The following SPTB variants were observed in gnomAD, a reference collection of about 807,000 sequenced individuals.
SPTB encodes spectrin beta chain, erythrocytic.
SPTB carries 45 observed loss-of-function variants against 256.2 expected under a neutral mutation model. That is an observed-to-expected ratio of 0.18 (90% confidence interval 0.14 to 0.23). The LOEUF is 0.23. SPTB is among the 10% of genes least tolerant of loss of function. The pLI is 1.00. For missense variants in SPTB, 2,715 were observed against 3,040.4 expected (o/e 0.89, Z 2.52); for synonymous variants, 1,231 against 1,243.1 (o/e 0.99, Z 0.21).
chr14:64,876,100 G>A (rs965533741), intron 1 of SPTB, among the ~76,000 whole-genome samples: 10 of 152,018 alleles, frequency 6.6e-5, no homozygotes, highest in African/African-American at 2.4e-4. Context: ...AAGTAACTGG[G>A]ATTATAGGCA....
intron 1 of SPTB, among the ~76,000 whole-genome samples, chr14:64,872,925 C>T (rs1882624322): frequency 6.6e-6 from 1 of 152,188 alleles, no homozygotes; most frequent in African/African-American, 2.4e-5. Flanking sequence ...TGAGTCATCC[C>T]CAGCCATGCT....
chr14:64,804,301 G>A (rs1444725718), intron 3 of SPTB, among the ~76,000 whole-genome samples: 1 of 152,208 alleles, frequency 6.6e-6, no homozygotes, highest in Admixed American at 6.5e-5. Flanking sequence ...GCATGGAGTT[G>A]AAAAGGCAAT....
At chr14:64,808,499 A>G (rs1385904360) in intron 2 of SPTB, among the ~76,000 whole-genome samples, 2 of 152,206 alleles carry the variant, frequency 1.3e-5, no homozygotes, top group Non-Finnish European at 2.9e-5. Context: ...AAATACACCC[A>G]TGACACTAAA....
At chr14:64,805,253 T>C (rs2082962475) in intron 2 of SPTB, among the ~76,000 whole-genome samples, 163 bp from the exon 3 acceptor site, 1 of 152,070 alleles carries the variant, frequency 6.6e-6, no homozygotes, top group Non-Finnish European at 1.5e-5. Context: ...CATCAAGGTG[T>C]AGCAATACCG....
Position 64,793,026 on chromosome 14 carries a change from G to T in SPTB, c.2637C>A (p.Thr879=), listed in dbSNP as rs373124548. 2 of 1,613,750 alleles carry T rather than the reference G, an allele frequency of 1.2e-6. No homozygotes were observed. The highest frequency in any genetic ancestry group is 2.7e-5 in the African/African-American group (2 of 74,890). The part of the protein sequence containing the change: ...KWLAEMEMPD[T]LEDLEVVQHR... Reference sequence around the variant, plus strand: ...GCTGCACGACCTCCAGGTCCTCCAGGGTGTCTGGCATTTCCATCTCGGCCA... The same window carrying T: ...GCTGCACGACCTCCAGGTCCTCCAGTGTGTCTGGCATTTCCATCTCGGCCA... Residue 879 remains threonine, a synonymous_variant, in exon 14 of 36, where the codon ACC becomes ACA. Coordinates refer to ENST00000644917, the MANE Select transcript of SPTB (RefSeq NM_001355436.2). This position sits in a 1 kb window ranked among gnomAD's most constrained non-coding sequence, Gnocchi z 7.0.
intron 4 of SPTB, among the ~76,000 whole-genome samples, chr14:64,803,266 A>C (rs1434082159): frequency 6.6e-6 from 1 of 152,154 alleles, no homozygotes; most frequent in Non-Finnish European, 1.5e-5. Context: ...CAATTTTTGC[A>C]ATTTTCTGTA....
chr14:64,859,416 A>G (rs947971463), intron 1 of SPTB, among the ~76,000 whole-genome samples: 4 of 152,160 alleles, frequency 2.6e-5, no homozygotes, highest in Non-Finnish European at 4.4e-5. Context: ...TAAGCTGTTA[A>G]ATAGTATTAA....
chr14:64,858,998 C>A (rs1173172836), intron 1 of SPTB, among the ~76,000 whole-genome samples: 1 of 152,186 alleles, frequency 6.6e-6, no homozygotes, highest in Non-Finnish European at 1.5e-5. Context: ...ATGGCTTACA[C>A]CTGTAATCCC....
chr14:64,793,850 G>T lies in SPTB; in HGVS notation c.1813C>A (p.Pro605Thr). 1 of 1,606,604 alleles carries T rather than the reference G, an allele frequency of 6.2e-7. No individual in the cohort carries two copies. The change falls in exon 14 of 36, where the codon CCC (proline) becomes ACC (threonine). Residue 605 changes from proline to threonine, a missense_variant. Around this residue, in one of 4 missense-constraint regions of SPTB, gnomAD observed 2,239 missense variants for 2,384.4 expected, o/e 0.94. Coordinates refer to ENST00000644917, the MANE Select transcript of SPTB (RefSeq NM_001355436.2). The surrounding 1 kb of genome is among the most constrained non-coding windows in gnomAD (Gnocchi z 7.0). ...CTGATGCGGTCCTGGATGACCTGGG[G>T]GTCACAAGGCTGGTACCCTGGAAGA... ...TEGKGYQPCD[P>T]QVIQDRISHL...
chr14:64,767,911 C>T (rs769891271), intron 29 of SPTB, 52 bp from the exon 30 acceptor site: 3 of 1,597,712 alleles, frequency 1.9e-6, no homozygotes, highest in Non-Finnish European at 2.6e-6. Context: ...GGCCTGTTAG[C>T]ACCCAATCGT....
intron 12 of SPTB, 32 bp from the exon 13 acceptor site, chr14:64,794,649 G>T: frequency 6.2e-7 from 1 of 1,613,694 alleles, no homozygotes; most frequent in Non-Finnish European, 8.5e-7. Flanking sequence ...AGGAAATGAG[G>T]AGAAGTGAAG....
chr14:64,825,663 C>T lies in SPTB; in HGVS notation c.-51-2518G>A, dbSNP rs116657551. ...TAACCGGACCCTGGCTCTCCTGATT[C>T]GTCCTGGGCTATTTTTAAGAGTGGC... is the stretch of plus-strand genomic sequence containing the variant. On this transcript the variant is annotated intron_variant, in intron 1 of 35. Transcript: ENST00000644917. The surrounding 1 kb of genome is among the most constrained non-coding windows in gnomAD (Gnocchi z 4.8). Among the ~76,000 whole-genome samples the T allele has an allele frequency of 1.6e-3, 238 of 152,356 alleles. 2 individuals are homozygous for T. Among genetic ancestry groups the T allele is most frequent in the African/African-American group, 5.2e-3 (218 of 41,578 alleles).
At chr14:64,811,959 A>G (rs2083097808) in intron 2 of SPTB, among the ~76,000 whole-genome samples, 1 of 152,256 alleles carries the variant, frequency 6.6e-6, no homozygotes, top group African/African-American at 2.4e-5. Flanking sequence ...TTTTGGACCC[A>G]GTAATTCCAC....
At chr14:64,765,356 C>T (rs1231893623) in intron 32 of SPTB, among the ~76,000 whole-genome samples, 1 of 152,118 alleles carries the variant, frequency 6.6e-6, no homozygotes, top group African/African-American at 2.4e-5. Flanking sequence ...GCTTTCTTCT[C>T]GGTCAGCTGC....
In SPTB at chr14:64,775,874, GCA is replaced by G. The variant is rs1376894243; in HGVS notation, c.4564-473_4564-472del. ...ACGCCCAACCCAGCAGCTCAGGTGG[GCA>G]CAGTTTTTGCCTTCCATCTAAAAGA... On this transcript the variant is annotated intron_variant, in intron 22 of 35. Coordinates refer to ENST00000644917, the MANE Select transcript of SPTB (RefSeq NM_001355436.2). This position sits in a 1 kb window ranked among gnomAD's most constrained non-coding sequence, Gnocchi z 5.0. Among the ~76,000 whole-genome samples the G allele has an allele frequency of 1.3e-5, 2 of 152,226 alleles. No individual in the cohort carries two copies. The highest frequency in any genetic ancestry group is 1.9e-4 in the East Asian group (1 of 5,202).
At chr14:64,800,345 A>G (rs1411293549) in intron 8 of SPTB, among the ~76,000 whole-genome samples, 2 of 152,236 alleles carry the variant, frequency 1.3e-5, no homozygotes, top group African/African-American at 4.8e-5. Flanking sequence ...AATGGTACCT[A>G]TACTCTAAGA....
At position 64,782,418 on chromosome 14, in the gene SPTB, T is replaced by G; in HGVS notation, c.4138A>C (p.Ser1380Arg). 1.2e-6 allele frequency: 2 copies of G among 1,614,174 alleles called. No homozygotes were observed. The highest frequency in any genetic ancestry group is 1.7e-6 in the Non-Finnish European group (2 of 1,180,042). ...TGGGTCTGCAAGCGCAGGTCGGAGC[T>G]CCTGGCAGCCGAGAGGTGCTGGGTC... ...EKTQHLSAAR[S>R]SDLRLQTHAD... Residue 1380 changes from serine to arginine, a missense_variant, in exon 20 of 36, where the codon AGC becomes CGC. Ser to Arg is a moderately radical substitution (Grantham distance 110). This residue lies in a region of SPTB where 2,239 missense variants were observed against 2,384.4 expected (regional missense o/e 0.94). Coordinates refer to ENST00000644917, the MANE Select transcript of SPTB (RefSeq NM_001355436.2).
chr14:64,786,479 G>A lies in SPTB; in HGVS notation c.3486C>T (p.His1162=), dbSNP rs575775850. Residue 1162 remains histidine, a synonymous_variant, in exon 16 of 36, where the codon CAC becomes CAT. Coordinates refer to ENST00000644917, the MANE Select transcript of SPTB (RefSeq NM_001355436.2). This position sits in a 1 kb window ranked among gnomAD's most constrained non-coding sequence, Gnocchi z 5.6. ...ALGRMWESRS[H]TLAQCLGFQE... ...GGAAGCCAAGGCACTGAGCGAGGGT[G>A]TGGCTGCGGCTCTCCCACATCCTGC... The A allele has an allele frequency of 7.4e-6, 12 of 1,614,148 alleles. No homozygotes were observed. The Admixed American group carries it at 2.0e-4, about 27-fold the overall frequency.
intron 20 of SPTB, among the ~76,000 whole-genome samples, chr14:64,781,854 A>G (rs916992065): frequency 1.3e-4 from 20 of 152,210 alleles, no homozygotes; most frequent in Admixed American, 1.1e-3. Context: ...AAAATATGAT[A>G]CATATACACC....
Sources: allele counts gnomAD v4.1 joint callset (sites outside exome capture counted in the v4.1 genomes callset), GRCh38; gene constraint gnomAD v4.1.1; regional missense constraint gnomAD v4.1.1; non-coding constraint Gnocchi (gnomAD v3.1); transcripts MANE v1.5; gene names NCBI Gene and HGNC (gene_info 2026-07-23, HGNC 2026-07-21).